Variants in IFT74 observed in about 807,000 individuals in gnomAD.
The protein encoded by IFT74 is intraflagellar transport 74.
Under a neutral mutation model 96.7 loss-of-function variants are expected in IFT74, and 92 were observed. That is an observed-to-expected ratio of 0.95 (90% CI 0.80 to 1.13). IFT74 has a LOEUF of 1.13. Among genes scored for constraint, IFT74 ranks in the 50% most tolerant of loss-of-function variants. The pLI is 0.00. For synonymous variants in IFT74, 223 were observed against 213.2 expected (o/e 1.05, Z -0.40); for missense variants, 811 against 698.2 (o/e 1.16, Z -1.82).
At chr9:27,056,861 TA>T (rs576729575) in intron 18 of IFT74, among the ~76,000 whole-genome samples, 1,688 of 66,428 alleles carry the variant, frequency 0.025, 13 homozygotes, top group Middle Eastern at 0.077. Context: ...AGTCAATGGA[TA>T]GATAGATAGA....
chr9:26,968,013 A>G (rs1203222164), intron 2 of IFT74, among the ~76,000 whole-genome samples: 1 of 148,338 alleles, frequency 6.7e-6, no homozygotes, highest in Non-Finnish European at 1.5e-5. Context: ...TTTTGCACCA[A>G]TGTTCATCAG....
chr9:27,010,916 A>G (rs1326903672), intron 9 of IFT74, among the ~76,000 whole-genome samples: 2 of 152,220 alleles, frequency 1.3e-5, no homozygotes, highest in Non-Finnish European at 2.9e-5. Flanking sequence ...TTAACTAAAG[A>G]TTAAGCAAAG....
intron 2 of IFT74, among the ~76,000 whole-genome samples, chr9:26,965,084 A>G (rs915277294): frequency 5.3e-5 from 8 of 152,202 alleles, no homozygotes; most frequent in Admixed American, 2.6e-4. Flanking sequence ...ATATCCCTAT[A>G]AAGGCTGTTA....
Position 27,045,330 on chromosome 9 carries a change from A to G in IFT74, c.1108+535A>G, listed in dbSNP as rs183563147. On this transcript the variant is annotated intron_variant, in intron 14 of 19. Transcript: ENST00000380062. ...CCGCATCTGCCCCCAGCCCTGGTCCATAGAAAAATTGTCTTCCATGGTCCC... is the reference window on the plus strand; with the variant it reads ...CCGCATCTGCCCCCAGCCCTGGTCCGTAGAAAAATTGTCTTCCATGGTCCC... 4.0e-3 allele frequency among the ~76,000 whole-genome samples: 607 copies of G among 152,300 alleles called. 5 individuals carry two copies. Among genetic ancestry groups the G allele is most frequent in the African/African-American group, 0.013 (550 of 41,568 alleles).
rs1820492125 is a variant in IFT74, at chr9:27,062,928, A to C, written c.*192A>C. ...GTTCAATAAATGGTTTGCATATTAA[A>C]AAGTACCATCTTCTTTTCTTTTTAT... On this transcript the variant is annotated 3_prime_UTR_variant, in exon 20 of 20. Coordinates refer to ENST00000380062, the MANE Select transcript of IFT74 (RefSeq NM_025103.4). 2.0e-6 allele frequency: 1 copy of C among 496,838 alleles called. No individual in the cohort carries two copies. The highest frequency in any genetic ancestry group is 4.2e-5 in the Admixed American group (1 of 23,698). 30.8% of individuals were successfully genotyped at this position (496,838 alleles called of 1,614,324 possible).
Position 26,974,796 on chromosome 9 carries a change from C to T in IFT74, c.121-3332C>T, listed in dbSNP as rs1004050111. Among the ~76,000 whole-genome samples the T allele has an allele frequency of 5.9e-5, 9 of 152,236 alleles. No homozygotes were observed. The South Asian group carries it at 1.9e-3, about 32-fold the overall frequency. Reference sequence around the variant, plus strand: ...CTAAGAATTGATCAACTTAATCAGCCACCCCATAAGGGTCATCCAACAGGA... The same window carrying T: ...CTAAGAATTGATCAACTTAATCAGCTACCCCATAAGGGTCATCCAACAGGA... On this transcript the variant is annotated intron_variant, in intron 2 of 19. Coordinates refer to ENST00000380062, the MANE Select transcript of IFT74 (RefSeq NM_025103.4).
chr9:26,955,002 ATACT>A (rs1008896556), upstream of IFT74, among the ~76,000 whole-genome samples: 1 of 152,210 alleles, frequency 6.6e-6, no homozygotes, highest in Non-Finnish European at 1.5e-5. Flanking sequence ...ACAGGGATCA[ATACT>A]TACTACCTAA....
intron 2 of IFT74, among the ~76,000 whole-genome samples, chr9:26,971,330 G>T (rs1826867970): frequency 6.6e-6 from 1 of 151,988 alleles, no homozygotes; most frequent in East Asian, 1.9e-4. Flanking sequence ...AACTCTCTGT[G>T]ACCTGTTTGG....
intron 13 of IFT74, among the ~76,000 whole-genome samples, chr9:27,035,517 C>A (rs1337142518): frequency 6.6e-6 from 1 of 152,208 alleles, no homozygotes; most frequent in African/African-American, 2.4e-5. Flanking sequence ...GGGCTCTACC[C>A]CAGACCTATT....
intron 1 of IFT74, among the ~76,000 whole-genome samples, chr9:26,948,667 T>C (rs1211999066): frequency 6.6e-6 from 1 of 151,922 alleles, no homozygotes; most frequent in Non-Finnish European, 1.5e-5. Flanking sequence ...AGTTTCACCA[T>C]GTTGGCCAGG....
chr9:26,976,087 G>A (rs947797977), intron 2 of IFT74, among the ~76,000 whole-genome samples: 5 of 152,258 alleles, frequency 3.3e-5, no homozygotes, highest in Admixed American at 1.3e-4. Context: ...CTTGGTCGCC[G>A]CGGTGTTGTA....
intron 13 of IFT74, among the ~76,000 whole-genome samples, chr9:27,041,317 C>T (rs7045747): frequency 0.24 from 35,823 of 152,008 alleles, 5,208 homozygotes; most frequent in East Asian, 0.7. Context: ...ACATTCCTGT[C>T]AGAGCACTTA....
intron 15 of IFT74, among the ~76,000 whole-genome samples, chr9:27,047,710 A>G (rs930191426): frequency 6.6e-6 from 1 of 152,218 alleles, no homozygotes; most frequent in Non-Finnish European, 1.5e-5. Flanking sequence ...TTCAAAATCT[A>G]GACATGTTAG....
At chr9:26,993,261 A>C (rs1827966972) in intron 8 of IFT74, 1 of 152,158 alleles carries the variant, frequency 6.6e-6, no homozygotes, top group South Asian at 2.1e-4. Context: ...TACATTTCTC[A>C]AATATTAATA....
chr9:26,996,319 C>G, intron 8 of IFT74: 1 of 1,580,854 alleles, frequency 6.3e-7, no homozygotes, highest in Non-Finnish European at 8.6e-7. Context: ...ACCTGAATTT[C>G]TTGTTAAGTT....
intron 18 of IFT74, among the ~76,000 whole-genome samples, chr9:27,057,979 A>G (rs1820242511): frequency 6.6e-6 from 1 of 152,148 alleles, no homozygotes; most frequent in African/African-American, 2.4e-5. Context: ...TTTTGGTGCC[A>G]TATCCTTGTA....
rs71841244 is a variant in IFT74, at chr9:26,948,448, A to ATTTTTTTTTTTTTTTTTTTTTTT, written c.-20+1320_-20+1342dup. On this transcript the variant is annotated intron_variant, in intron 1 of 19. Coordinates refer to the IFT74 transcript ENST00000433700. ...TGACAACCTGTGATGGCTTTCCATT[A>ATTTTTTTTTTTTTTTTTTTTTTT]TTTTTTTTTTTTTTTTTTTTTTTTT... Among the ~76,000 whole-genome samples, 4 of 59,164 alleles carry ATTTTTTTTTTTTTTTTTTTTTTT rather than the reference A, an allele frequency of 6.8e-5. 1 individual carries two copies. Among genetic ancestry groups the ATTTTTTTTTTTTTTTTTTTTTTT allele is most frequent in the Non-Finnish European group, 1.5e-4 (4 of 26,084 alleles). 38.8% of individuals were successfully genotyped at this position (59,164 alleles called of 152,430 possible). A position where few individuals can be genotyped will look rare whatever the true frequency, so the allele number is the denominator to read the frequency against.
intron 13 of IFT74, among the ~76,000 whole-genome samples, chr9:27,034,832 A>G (rs1201428045): frequency 6.6e-6 from 1 of 152,142 alleles, no homozygotes; most frequent in Non-Finnish European, 1.5e-5. Context: ...GCCTGGCCAG[A>G]ATCATTTTAT....
chr9:27,009,892 T>C (rs1009640326), intron 9 of IFT74, among the ~76,000 whole-genome samples: 4 of 152,162 alleles, frequency 2.6e-5, no homozygotes, highest in African/African-American at 9.7e-5. Context: ...CATGCACGTA[T>C]GCAATGTATA....
Sources: gnomAD v4.1 joint callset for allele counts (sites outside exome capture counted in the v4.1 genomes callset) on GRCh38, gnomAD v4.1.1 for gene constraint, MANE v1.5 for transcripts, NCBI Gene and HGNC (gene_info 2026-07-23, HGNC 2026-07-21) for gene names.